Variants in JPH1 observed in about 807,000 individuals in gnomAD.
The protein encoded by JPH1 is junctophilin-1.
A neutral mutation model predicts 53.6 loss-of-function variants in JPH1; 12 were observed. The ratio of observed to expected loss-of-function variants is 0.22; its 90% confidence interval spans 0.14 to 0.36. The LOEUF (loss-of-function observed/expected upper bound fraction) is 0.36. JPH1 is among the 10% of genes least tolerant of loss of function. The probability of loss-of-function intolerance (pLI) is 1.00; values close to 1 mark genes in which losing one functional copy is unlikely to be tolerated. For missense variants in JPH1, 808 were observed against 905.5 expected (o/e 0.89, Z 1.38); for synonymous variants, 375 against 363.8 (o/e 1.03, Z -0.35).
At chr8:74,276,784 A>C (rs1806861541) in intron 2 of JPH1, among the ~76,000 whole-genome samples, 1 of 152,162 alleles carries the variant, frequency 6.6e-6, no homozygotes, top group South Asian at 2.1e-4. Context: ...CTGTCTGTAA[A>C]TCCTTGGTTT....
rs1157633985 is a variant in JPH1 at position 74,315,248 on chromosome 8, C to G, written c.752G>C (p.Ser251Thr). Residue 251 changes from serine (S) to threonine (T), a missense_variant, in exon 2 of 6, where the codon AGC (serine) becomes ACC (threonine). Physicochemically the swap from Ser to Thr is moderately conservative, Grantham distance 58. Around this residue, in one of 2 missense-constraint regions of JPH1, gnomAD observed 756 missense variants for 811.9 expected, o/e 0.93. Transcript: ENST00000342232. The surrounding 1 kb of genome is among the most constrained non-coding windows in gnomAD (Gnocchi z 6.3). ...SDAAMSRISS[S>T]DANSTISFGD... ...AAAGCTGATCGTGGAGTTGGCATCG[C>G]TGGAACTAATTCTGCTCATGGCCGC... The G allele has an allele frequency of 6.2e-7, 1 of 1,614,090 alleles. No homozygotes were observed. Among genetic ancestry groups the G allele is most frequent in the Non-Finnish European group, 8.5e-7 (1 of 1,180,046 alleles).
At chr8:74,295,293 ATG>A (rs756188910) in intron 2 of JPH1, among the ~76,000 whole-genome samples, 4 of 152,066 alleles carry the variant, frequency 2.6e-5, no homozygotes, top group Middle Eastern at 3.4e-3. Flanking sequence ...ATGTGACTAT[ATG>A]TGTGTGTGTG....
At chr8:74,265,893 C>T (rs776135365) in intron 2 of JPH1, among the ~76,000 whole-genome samples, 2 of 151,184 alleles carry the variant, frequency 1.3e-5, no homozygotes, top group Non-Finnish European at 2.9e-5. Flanking sequence ...TAAAGTAATG[C>T]ATATCAAAAC....
intron 3 of JPH1, among the ~76,000 whole-genome samples, chr8:74,250,658 G>A (rs993594392): frequency 1.3e-5 from 2 of 152,178 alleles, no homozygotes; most frequent in African/African-American, 2.4e-5. Flanking sequence ...TAGTGTTAGT[G>A]CATTTTATGT....
At chr8:74,261,255 AATATATT>A (rs1806387922) in intron 2 of JPH1, among the ~76,000 whole-genome samples, 2 of 152,164 alleles carry the variant, frequency 1.3e-5, no homozygotes, top group Non-Finnish European at 2.9e-5. Flanking sequence ...CTTTAATACT[AATATATT>A]AATACCGGTT....
intron 3 of JPH1, among the ~76,000 whole-genome samples, chr8:74,257,723 C>T (rs575479611): frequency 6.0e-4 from 92 of 152,158 alleles, no homozygotes; most frequent in Non-Finnish European, 1.1e-3. Context: ...TGGAAAGGTT[C>T]CTTTTCCTAA....
intron 2 of JPH1, among the ~76,000 whole-genome samples, chr8:74,268,615 T>G (rs192850099): frequency 6.6e-6 from 1 of 152,256 alleles, no homozygotes; most frequent in East Asian, 1.9e-4. Flanking sequence ...TTTTTAGCAC[T>G]GGAGCAAACA....
Position 74,320,952 on chromosome 8 carries a change from G to C in JPH1, c.336C>G (p.Asn112Lys), listed in dbSNP as rs778744922. The change falls in exon 1 of 6, where the codon AAC (asparagine) becomes AAG (lysine). Residue 112 changes from asparagine (N) to lysine (K), a missense_variant. Coordinates refer to ENST00000342232, the MANE Select transcript of JPH1 (RefSeq NM_020647.4). The surrounding 1 kb of genome is among the most constrained non-coding windows in gnomAD (Gnocchi z 4.4). ...TPARYEGTWS[N>K]GLQDGYGVET... Reference sequence around the variant, plus strand: ...CCACGCCGTACCCGTCTTGCAGCCCGTTACTCCAGGTACCCTCGTAGCGAG... The same window carrying C: ...CCACGCCGTACCCGTCTTGCAGCCCCTTACTCCAGGTACCCTCGTAGCGAG... 2 of 1,602,746 alleles carry C rather than the reference G, an allele frequency of 1.2e-6. No individual in the cohort carries two copies. Among genetic ancestry groups the C allele is most frequent in the Admixed American group, 3.4e-5 (2 of 58,838 alleles).
At chr8:74,302,954 GAAAAGA>G (rs1807724908) in intron 2 of JPH1, among the ~76,000 whole-genome samples, 2 of 63,080 alleles carry the variant, frequency 3.2e-5, no homozygotes, top group East Asian at 4.2e-4. Flanking sequence ...AGGTTGCCAA[GAAAAGA>G]AAAAAAAAAA....
At chr8:74,314,437 T>A (rs1808080046) in intron 2 of JPH1, among the ~76,000 whole-genome samples, 1 of 151,828 alleles carries the variant, frequency 6.6e-6, no homozygotes, top group Non-Finnish European at 1.5e-5. Flanking sequence ...TACACATCTA[T>A]ACTAAGTATG....
At chr8:74,272,813 C>T (rs1448248837) in intron 2 of JPH1, among the ~76,000 whole-genome samples, 1 of 151,990 alleles carries the variant, frequency 6.6e-6, no homozygotes, top group Non-Finnish European at 1.5e-5. Context: ...ACCGTGTTAG[C>T]CAGGATGGTC....
chr8:74,312,095 C>A (rs912956226), intron 2 of JPH1, among the ~76,000 whole-genome samples: 1 of 152,052 alleles, frequency 6.6e-6, no homozygotes, highest in African/African-American at 2.4e-5. Flanking sequence ...TATATAATAG[C>A]AAGGAATCTG....
At chr8:74,290,343 G>GACAA (rs1807287806) in intron 2 of JPH1, among the ~76,000 whole-genome samples, 1 of 151,752 alleles carries the variant, frequency 6.6e-6, no homozygotes, top group Admixed American at 6.6e-5. Context: ...CACAATAACA[G>GACAA]ACAGAGAGCC....
chr8:74,243,381 G>A (rs1805752824), intron 4 of JPH1, among the ~76,000 whole-genome samples: 1 of 152,128 alleles, frequency 6.6e-6, no homozygotes, highest in Admixed American at 6.5e-5. Context: ...CAGTTAATCT[G>A]AATAATTTAT....
intron 2 of JPH1, among the ~76,000 whole-genome samples, chr8:74,261,610 G>C (rs1339825372): frequency 6.6e-6 from 1 of 152,134 alleles, no homozygotes; most frequent in African/African-American, 2.4e-5. Context: ...GAGGTACGAT[G>C]GGTAATGCCT....
At chr8:74,301,530 C>T (rs1807682423) in intron 2 of JPH1, among the ~76,000 whole-genome samples, 10 of 152,224 alleles carry the variant, frequency 6.6e-5, no homozygotes, top group Admixed American at 6.5e-4. Context: ...GGACAGATCG[C>T]TCCTGGAGAA....
At chr8:74,255,431 C>T (rs1272239036) in intron 3 of JPH1, among the ~76,000 whole-genome samples, 1 of 152,058 alleles carries the variant, frequency 6.6e-6, no homozygotes, top group Non-Finnish European at 1.5e-5. Context: ...AGACCTGAAA[C>T]CATAAAAACC....
chr8:74,313,206 T>G (rs1188106709), intron 2 of JPH1, among the ~76,000 whole-genome samples: 2 of 152,224 alleles, frequency 1.3e-5, no homozygotes, highest in Non-Finnish European at 2.9e-5. Flanking sequence ...AAGTGTGCAT[T>G]TAAAATTAGA....
chr8:74,309,964 A>T (rs968297841), intron 2 of JPH1, among the ~76,000 whole-genome samples: 1 of 152,206 alleles, frequency 6.6e-6, no homozygotes, highest in Non-Finnish European at 1.5e-5. Context: ...GGGGGATCCA[A>T]TTCTAAGTTA....
Sources: gnomAD v4.1 joint callset for allele counts (sites outside exome capture counted in the v4.1 genomes callset) on GRCh38, gnomAD v4.1.1 for gene constraint, gnomAD v4.1.1 regional missense constraint, Gnocchi (gnomAD v3.1) non-coding constraint, MANE v1.5 for transcripts, NCBI Gene and HGNC (gene_info 2026-07-23, HGNC 2026-07-21) for gene names.